Variants in ZHX3 observed in about 807,000 individuals in gnomAD.
ZHX3 encodes the protein zinc fingers and homeoboxes 3, also known as zinc fingers and homeoboxes protein 3.
Under a neutral mutation model 64.5 loss-of-function variants are expected in ZHX3, and 20 were observed. That is an observed-to-expected ratio of 0.31 (90% CI 0.22 to 0.45). The LOEUF (loss-of-function observed/expected upper bound fraction) is 0.45. Ranked by LOEUF, ZHX3 falls within the 20% of genes least tolerant of loss-of-function variation. The pLI is 1.00. For missense variants in ZHX3, 1,041 were observed against 1,195.8 expected (o/e 0.87, Z 1.91); for synonymous variants, 423 against 461.6 (o/e 0.92, Z 1.07).
At chr20:41,282,520 G>C (rs2043739823) in intron 1 of ZHX3, among the ~76,000 whole-genome samples, 1 of 151,880 alleles carries the variant, frequency 6.6e-6, no homozygotes, top group African/African-American at 2.4e-5. Context: ...CATTACACCT[G>C]GCTAATTTTT....
intron 1 of ZHX3, among the ~76,000 whole-genome samples, chr20:41,306,724 T>C (rs1214884597): frequency 6.6e-6 from 1 of 152,262 alleles, no homozygotes; most frequent in Admixed American, 6.5e-5. Context: ...ATTGTCATTA[T>C]CAGGAATAAA....
intron 1 of ZHX3, among the ~76,000 whole-genome samples, chr20:41,307,918 A>G (rs769245207): frequency 4.6e-5 from 7 of 152,168 alleles, no homozygotes; most frequent in Non-Finnish European, 7.3e-5. Context: ...TCGACTTTTT[A>G]AAAAGTTCCT....
chr20:41,265,452 T>A (rs1219930524), intron 2 of ZHX3, among the ~76,000 whole-genome samples: 1 of 152,154 alleles, frequency 6.6e-6, no homozygotes, highest in Non-Finnish European at 1.5e-5. Flanking sequence ...TCCTCCTACC[T>A]CGGCCTCCCA....
intron 1 of ZHX3, among the ~76,000 whole-genome samples, chr20:41,283,169 A>G (rs1193742330): frequency 6.6e-6 from 1 of 152,174 alleles, no homozygotes; most frequent in Non-Finnish European, 1.5e-5. Context: ...TTGGCCTTCC[A>G]AAGTACTAGT....
At chr20:41,313,698 C>CG (rs1193828776) in intron 1 of ZHX3, among the ~76,000 whole-genome samples, 1 of 147,812 alleles carries the variant, frequency 6.8e-6, no homozygotes, top group Non-Finnish European at 1.5e-5. Context: ...CCTGGGTTCA[C>CG]GCCATTCTCC....
At chr20:41,287,927 A>G (rs1334722710) in intron 1 of ZHX3, among the ~76,000 whole-genome samples, 1 of 152,260 alleles carries the variant, frequency 6.6e-6, no homozygotes, top group African/African-American at 2.4e-5. Context: ...AAAATATAAA[A>G]TATCATGGGA....
chr20:41,223,589 A>C (rs550359215), intron 2 of ZHX3, among the ~76,000 whole-genome samples: 1 of 152,352 alleles, frequency 6.6e-6, no homozygotes, highest in African/African-American at 2.4e-5. Flanking sequence ...ATACGCTAGA[A>C]ATACCTCGAG....
chr20:41,295,279 T>C (rs908736547), intron 1 of ZHX3, among the ~76,000 whole-genome samples: 5 of 152,130 alleles, frequency 3.3e-5, no homozygotes, highest in African/African-American at 4.8e-5. Context: ...ATCCTTTTCA[T>C]AGAATGCAGC....
At chr20:41,187,495 A>G (rs923377231) in intron 3 of ZHX3, among the ~76,000 whole-genome samples, 19 of 152,288 alleles carry the variant, frequency 1.2e-4, no homozygotes, top group African/African-American at 4.6e-4. Flanking sequence ...TTTTGCATGT[A>G]TATATCCAGT....
At chr20:41,229,217 T>C (rs1274540545) in intron 2 of ZHX3, among the ~76,000 whole-genome samples, 2 of 152,210 alleles carry the variant, frequency 1.3e-5, no homozygotes, top group Non-Finnish European at 2.9e-5. Context: ...TATCCTCAAG[T>C]TTCATCCATA....
chr20:41,274,737 G>A (rs2043302878), intron 1 of ZHX3, among the ~76,000 whole-genome samples: 1 of 152,226 alleles, frequency 6.6e-6, no homozygotes, highest in Admixed American at 6.5e-5. Flanking sequence ...GTGAGGGGCA[G>A]TGATTGCCTC....
At chr20:41,315,304 T>A (rs1469104496) in intron 1 of ZHX3, among the ~76,000 whole-genome samples, 38 of 144,908 alleles carry the variant, frequency 2.6e-4, no homozygotes, top group Admixed American at 2.5e-3. Context: ...TGCCTCAGCC[T>A]CCTGAGTAGC....
intron 1 of ZHX3, among the ~76,000 whole-genome samples, chr20:41,295,638 C>T (rs917605547): frequency 2.0e-5 from 3 of 152,014 alleles, no homozygotes; most frequent in South Asian, 2.1e-4. Context: ...GAGGTCGAGG[C>T]GGGAGATCGA....
chr20:41,298,584 A>C (rs1047737569), intron 1 of ZHX3, among the ~76,000 whole-genome samples: 1 of 152,224 alleles, frequency 6.6e-6, no homozygotes, highest in Non-Finnish European at 1.5e-5. Context: ...TGCTAGTAAG[A>C]TCACTGAGCT....
chr20:41,310,802 T>C (rs1025452179), intron 1 of ZHX3, among the ~76,000 whole-genome samples: 1 of 19,734 alleles, frequency 5.1e-5, no homozygotes, highest in African/African-American at 5.3e-4. Flanking sequence ...TTAATTCTGA[T>C]TTTTTTTTTT....
chr20:41,208,657 ACT>A (rs1342388955), intron 2 of ZHX3, among the ~76,000 whole-genome samples: 2 of 152,158 alleles, frequency 1.3e-5, no homozygotes, highest in African/African-American at 2.4e-5. Context: ...CATGCTAAAA[ACT>A]CTCAATAAAT....
chr20:41,306,032 ACT>A (rs988741077), intron 1 of ZHX3, among the ~76,000 whole-genome samples: 2 of 152,164 alleles, frequency 1.3e-5, no homozygotes, highest in African/African-American at 4.8e-5. Flanking sequence ...ATCCAGAAGC[ACT>A]GTTTTCTGAA....
intron 1 of ZHX3, among the ~76,000 whole-genome samples, chr20:41,276,653 G>A (rs968369174): frequency 7.2e-5 from 11 of 152,164 alleles, no homozygotes; most frequent in African/African-American, 1.9e-4. Flanking sequence ...GGGACTTGGC[G>A]GGCTCACTTT....
At chr20:41,209,056 CAGAG>C (rs1174112024) in intron 2 of ZHX3, among the ~76,000 whole-genome samples, 6 of 152,284 alleles carry the variant, frequency 3.9e-5, no homozygotes, top group Admixed American at 2.6e-4. Flanking sequence ...AACAGACAAA[CAGAG>C]AGCCAAATCA....
Sources: allele counts gnomAD v4.1 joint callset (sites outside exome capture counted in the v4.1 genomes callset), GRCh38; gene constraint gnomAD v4.1.1; transcripts MANE v1.5; gene names NCBI Gene and HGNC (gene_info 2026-07-23, HGNC 2026-07-21).